Variants in VWC2L observed in about 807,000 individuals in gnomAD.
The protein encoded by VWC2L is von Willebrand factor C domain-containing protein 2-like.
VWC2L carries 10 observed loss-of-function variants against 21.6 expected under a neutral mutation model. That is an observed-to-expected ratio of 0.46 (90% CI 0.29 to 0.78). The LOEUF is 0.78. Among genes scored for constraint, VWC2L ranks in the 30% least tolerant of loss-of-function variants. The pLI is 0.10. For missense variants in VWC2L, 209 were observed against 277.1 expected, an observed-to-expected ratio of 0.75 and a Z score of 1.74; for synonymous variants, 96 against 94.3, an observed-to-expected ratio of 1.02 and a Z score of -0.10.
intron 2 of VWC2L, among the ~76,000 whole-genome samples, chr2:214,416,315 G>C (rs1159591375): frequency 6.6e-6 from 1 of 151,942 alleles, no homozygotes; most frequent in Non-Finnish European, 1.5e-5. Flanking sequence ...GGTATTTAAA[G>C]AAAAAGTTAA....
At chr2:214,543,650 G>T (rs1217345199) in intron 3 of VWC2L, among the ~76,000 whole-genome samples, 1 of 148,280 alleles carries the variant, frequency 6.7e-6, no homozygotes, top group African/African-American at 2.5e-5. Flanking sequence ...GAAAGGAAGA[G>T]AAAGAAAAAA....
intron 3 of VWC2L, among the ~76,000 whole-genome samples, chr2:214,457,300 T>C (rs1386993980): frequency 6.6e-6 from 1 of 152,092 alleles, no homozygotes; most frequent in African/African-American, 2.4e-5. Flanking sequence ...AATTAAAGTC[T>C]TGATTTCTTT....
chr2:214,494,737 T>C (rs1222575985), intron 3 of VWC2L, among the ~76,000 whole-genome samples: 1 of 152,174 alleles, frequency 6.6e-6, no homozygotes, highest in Non-Finnish European at 1.5e-5. Flanking sequence ...AATTCATCCT[T>C]GAAATGTTAC....
chr2:214,530,140 T>C (rs1158949771), intron 3 of VWC2L, among the ~76,000 whole-genome samples: 1 of 152,228 alleles, frequency 6.6e-6, no homozygotes, highest in Non-Finnish European at 1.5e-5. Context: ...GCCATTTCCT[T>C]GGCAAAGTAC....
chr2:214,559,858 C>T (rs549600765), intron 3 of VWC2L, among the ~76,000 whole-genome samples: 2 of 152,302 alleles, frequency 1.3e-5, no homozygotes, highest in Non-Finnish European at 2.9e-5. Flanking sequence ...ACCTCAGCCT[C>T]CCAAAGTGCT....
At chr2:214,569,872 C>T (rs1690124372) in intron 3 of VWC2L, among the ~76,000 whole-genome samples, 2 of 152,140 alleles carry the variant, frequency 1.3e-5, no homozygotes, top group African/African-American at 4.8e-5. Context: ...TAATGCTTAA[C>T]ATCGTAAGTA....
At chr2:214,478,748 G>A (rs1688561467) in intron 3 of VWC2L, among the ~76,000 whole-genome samples, 1 of 152,052 alleles carries the variant, frequency 6.6e-6, no homozygotes, top group Non-Finnish European at 1.5e-5. Flanking sequence ...ATCCCCTCTT[G>A]CCTTGAGGAA....
At chr2:214,419,952 G>T (rs573997062) in intron 2 of VWC2L, among the ~76,000 whole-genome samples, 1 of 152,064 alleles carries the variant, frequency 6.6e-6, no homozygotes, top group African/African-American at 2.4e-5. Context: ...CCAGCTACTC[G>T]GGAGGCTGAG....
intron 3 of VWC2L, among the ~76,000 whole-genome samples, chr2:214,451,310 G>C (rs940765203): frequency 2.0e-4 from 16 of 80,220 alleles, no homozygotes; most frequent in East Asian, 3.9e-4. Context: ...GGTCGGTGTG[G>C]GGGGGGGGGG....
chr2:214,550,953 C>A (rs911509767), intron 3 of VWC2L, among the ~76,000 whole-genome samples: 1 of 152,148 alleles, frequency 6.6e-6, no homozygotes, highest in Non-Finnish European at 1.5e-5. Flanking sequence ...TTCAGCACTC[C>A]ATCTTTCTGG....
chr2:214,553,565 C>T (rs1689829358), intron 3 of VWC2L, among the ~76,000 whole-genome samples: 1 of 152,110 alleles, frequency 6.6e-6, no homozygotes, highest in Non-Finnish European at 1.5e-5. Context: ...TTTTATCATA[C>T]AGGTGAAGCC....
intron 3 of VWC2L, among the ~76,000 whole-genome samples, chr2:214,496,812 G>A (rs1559308482): frequency 6.6e-6 from 1 of 152,072 alleles, no homozygotes; most frequent in African/African-American, 2.4e-5. Context: ...CAGACGCTTG[G>A]TTCTCAATAA....
At chr2:214,481,352 A>G (rs967883836) in intron 3 of VWC2L, among the ~76,000 whole-genome samples, 2 of 152,208 alleles carry the variant, frequency 1.3e-5, no homozygotes, top group South Asian at 4.1e-4. Flanking sequence ...AGGCTAGACT[A>G]CTGAATTATG....
At chr2:214,552,831 G>T (rs934028137) in intron 3 of VWC2L, among the ~76,000 whole-genome samples, 1 of 151,894 alleles carries the variant, frequency 6.6e-6, no homozygotes, top group East Asian at 1.9e-4. Flanking sequence ...CCTCATATTC[G>T]ACTGCTTAAT....
intron 3 of VWC2L, among the ~76,000 whole-genome samples, chr2:214,527,557 T>C (rs924183233): frequency 4.6e-5 from 7 of 152,130 alleles, no homozygotes; most frequent in African/African-American, 7.2e-5. Flanking sequence ...TGAAGCAAGT[T>C]CTTTCCTGCC....
intron 3 of VWC2L, among the ~76,000 whole-genome samples, chr2:214,442,883 T>A (rs1391757245): frequency 6.6e-6 from 1 of 152,210 alleles, no homozygotes; most frequent in East Asian, 1.9e-4. Flanking sequence ...TCTAAATCCC[T>A]GAGTTCTAGA....
intron 3 of VWC2L, among the ~76,000 whole-genome samples, chr2:214,457,818 C>T (rs1703079157): frequency 6.6e-6 from 1 of 152,108 alleles, no homozygotes; most frequent in South Asian, 2.1e-4. Context: ...AGAAATCTCA[C>T]TTGATCATGG....
chr2:214,533,028 T>C (rs11691173), intron 3 of VWC2L, among the ~76,000 whole-genome samples: 82,634 of 151,726 alleles, frequency 0.54, 22,816 homozygotes, highest in East Asian at 0.74. Flanking sequence ...AGTCATGACT[T>C]CTTTTATAGA....
chr2:214,485,046 G>A (rs1460013426), intron 3 of VWC2L, among the ~76,000 whole-genome samples: 2 of 152,204 alleles, frequency 1.3e-5, no homozygotes, highest in Non-Finnish European at 2.9e-5. Context: ...GCCGGGTGCA[G>A]TGGCTCATGC....
Sources: gnomAD v4.1 joint callset for allele counts (sites outside exome capture counted in the v4.1 genomes callset) on GRCh38, gnomAD v4.1.1 for gene constraint, MANE v1.5 for transcripts, NCBI Gene and HGNC (gene_info 2026-07-23, HGNC 2026-07-21) for gene names.